The following FRMD4B variants were observed in gnomAD, a reference collection of about 807,000 sequenced individuals.
The protein encoded by FRMD4B is FERM domain containing 4B.
A neutral mutation model predicts 141.5 loss-of-function variants in FRMD4B; 74 were observed. That is an observed-to-expected ratio of 0.52 (90% CI 0.43 to 0.63). The LOEUF (loss-of-function observed/expected upper bound fraction) is 0.63. Among genes scored for constraint, FRMD4B ranks in the 30% least tolerant of loss-of-function variants. The pLI, the probability that FRMD4B is intolerant of heterozygous loss-of-function variation, is 0.00. For missense variants in FRMD4B, 1,366 were observed against 1,253.4 expected, an observed-to-expected ratio of 1.09 and a Z score of -1.36; for synonymous variants, 506 against 467.9, an observed-to-expected ratio of 1.08 and a Z score of -1.05.
chr3:69,474,349 G>A (rs1705947288), intron 1 of FRMD4B, among the ~76,000 whole-genome samples: 1 of 152,180 alleles, frequency 6.6e-6, no homozygotes, highest in South Asian at 2.1e-4. Flanking sequence ...GCAGCATGAA[G>A]TTGCAAATGG....
At chr3:69,308,738 C>A (rs573666411) in intron 3 of FRMD4B, among the ~76,000 whole-genome samples, 219 of 152,196 alleles carry the variant, frequency 1.4e-3, no homozygotes, top group African/African-American at 4.9e-3. Flanking sequence ...CTGTGCCCGG[C>A]CTTGTTTTTT....
At chr3:69,314,138 CAAAAAAAAAAAAAAAAAAAAA>C (rs57956106) in intron 1 of FRMD4B, among the ~76,000 whole-genome samples, 12 of 13,176 alleles carry the variant, frequency 9.1e-4, no homozygotes, top group African/African-American at 3.8e-3. Flanking sequence ...GACTCCGTCT[CAAAAAAAAAAAAAAAAAAAAA>C]AAAAAAAAAA....
intron 1 of FRMD4B, among the ~76,000 whole-genome samples, chr3:69,332,376 C>A (rs1264358668): frequency 6.6e-6 from 1 of 152,058 alleles, no homozygotes; most frequent in Non-Finnish European, 1.5e-5. Flanking sequence ...AATGTCATAC[C>A]CTCATTTTAC....
intron 2 of FRMD4B, among the ~76,000 whole-genome samples, chr3:69,391,494 C>G (rs779548710): frequency 6.7e-6 from 1 of 150,322 alleles, no homozygotes; most frequent in Non-Finnish European, 1.5e-5. Context: ...TGAGAACCTG[C>G]GCTGTTTGGT....
At chr3:69,429,236 T>C (rs1705137467) in intron 2 of FRMD4B, among the ~76,000 whole-genome samples, 1 of 152,222 alleles carries the variant, frequency 6.6e-6, no homozygotes. Context: ...CATATATCAT[T>C]TTGTATTTGT....
chr3:69,439,035 T>TA (rs1441057251), intron 1 of FRMD4B, among the ~76,000 whole-genome samples: 1 of 143,014 alleles, frequency 7.0e-6, no homozygotes. Context: ...ATTTGGTAGA[T>TA]ATTTAGTTCG....
chr3:69,393,661 C>T (rs1704427004), intron 2 of FRMD4B, among the ~76,000 whole-genome samples: 1 of 152,086 alleles, frequency 6.6e-6, no homozygotes, highest in Non-Finnish European at 1.5e-5. Context: ...TATATAGCAC[C>T]ATTTTTTTTC....
At chr3:69,281,838 A>ATAT (rs59097815) in intron 5 of FRMD4B, among the ~76,000 whole-genome samples, 27,598 of 127,572 alleles carry the variant, frequency 0.22, 3,189 homozygotes, top group Non-Finnish European at 0.25. Flanking sequence ...AAAAAAAAAA[A>ATAT]ATATATATAT....
intron 4 of FRMD4B, among the ~76,000 whole-genome samples, chr3:69,292,595 A>G (rs1037586197): frequency 1.3e-5 from 2 of 152,198 alleles, no homozygotes; most frequent in Non-Finnish European, 2.9e-5. Context: ...CCTAGGCATC[A>G]GATTACCAGC....
intron 1 of FRMD4B, among the ~76,000 whole-genome samples, chr3:69,492,232 C>G (rs1706311332): frequency 6.6e-6 from 1 of 152,172 alleles, no homozygotes; most frequent in Non-Finnish European, 1.5e-5. Flanking sequence ...TGGCACTTCT[C>G]CCATGTGAGC....
At chr3:69,255,478 A>T (rs2093486839) in intron 5 of FRMD4B, among the ~76,000 whole-genome samples, 1 of 152,034 alleles carries the variant, frequency 6.6e-6, no homozygotes, top group Non-Finnish European at 1.5e-5. Flanking sequence ...CCAGGAATTC[A>T]AGGCTGCAGT....
At chr3:69,411,949 G>A (rs1430247193) in intron 2 of FRMD4B, among the ~76,000 whole-genome samples, 2 of 152,170 alleles carry the variant, frequency 1.3e-5, no homozygotes, top group Non-Finnish European at 1.5e-5. Flanking sequence ...AATACAGCAG[G>A]AATATTACCC....
At chr3:69,176,009 T>A (rs2092641514) in intron 22 of FRMD4B, among the ~76,000 whole-genome samples, 1 of 152,088 alleles carries the variant, frequency 6.6e-6, no homozygotes, top group Non-Finnish European at 1.5e-5. Context: ...CTCGATCTCC[T>A]GACCTCATGA....
At chr3:69,472,249 T>G (rs1575814477) in intron 1 of FRMD4B, 1 of 326,006 alleles carries the variant, frequency 3.1e-6, no homozygotes, top group Non-Finnish European at 6.2e-6. Flanking sequence ...GAGTTCAGCA[T>G]GTCCAGCCTT....
At chr3:69,466,998 G>C (rs945279954) in intron 1 of FRMD4B, among the ~76,000 whole-genome samples, 3 of 152,090 alleles carry the variant, frequency 2.0e-5, no homozygotes, top group Non-Finnish European at 4.4e-5. Flanking sequence ...CACTGTGCCC[G>C]GCTAGAAGTC....
At chr3:69,532,845 G>A (rs17006072) in intron 1 of FRMD4B, among the ~76,000 whole-genome samples, 8,790 of 152,298 alleles carry the variant, frequency 0.058, 381 homozygotes, top group African/African-American at 0.1. Context: ...GTCCCCCACT[G>A]ACACTGTCGG....
intron 1 of FRMD4B, among the ~76,000 whole-genome samples, chr3:69,468,385 C>T (rs780091266): frequency 4.7e-4 from 71 of 152,028 alleles, no homozygotes; most frequent in Non-Finnish European, 6.0e-4. Context: ...TCACTCATTT[C>T]CCAAATATTC....
At chr3:69,409,227 T>G (rs150352753) in intron 2 of FRMD4B, among the ~76,000 whole-genome samples, 2 of 152,288 alleles carry the variant, frequency 1.3e-5, no homozygotes, top group African/African-American at 4.8e-5. Context: ...TACTAGCGGA[T>G]TCCGGCTCAG....
chr3:69,196,164 T>C, intron 14 of FRMD4B, 91 bp downstream of exon 14: 3 of 979,714 alleles, frequency 3.1e-6, no homozygotes, highest in Non-Finnish European at 4.5e-6. Flanking sequence ...CCCAAAATAA[T>C]GGATTAAAAG....
Sources: allele counts gnomAD v4.1 joint callset (sites outside exome capture counted in the v4.1 genomes callset), GRCh38; gene constraint gnomAD v4.1.1; transcripts MANE v1.5; gene names NCBI Gene and HGNC (gene_info 2026-07-23, HGNC 2026-07-21).